The following TSNAX variants were observed in gnomAD, a reference collection of about 807,000 sequenced individuals.
The protein encoded by TSNAX is translin associated factor X, also known as translin-associated protein X.
Under a neutral mutation model 33.0 loss-of-function variants are expected in TSNAX, and 12 were observed. That is an observed-to-expected ratio of 0.36 (90% confidence interval 0.23 to 0.59). The LOEUF is 0.59. TSNAX is among the 20% of genes least tolerant of loss of function. TSNAX has a pLI of 0.74. For synonymous variants in TSNAX, 110 were observed against 117.2 expected (o/e 0.94, Z 0.40); for missense variants, 267 against 341.3 (o/e 0.78, Z 1.72).
intron 3 of TSNAX, among the ~76,000 whole-genome samples, chr1:231,542,219 A>C (rs1328073209): frequency 6.6e-6 from 1 of 152,212 alleles, no homozygotes; most frequent in Non-Finnish European, 1.5e-5. Flanking sequence ...CCCTTACTGA[A>C]AGCAGACATT....
intron 5 of TSNAX, chr1:231,563,525 G>A (rs1020992010): frequency 6.5e-6 from 1 of 154,970 alleles, no homozygotes; most frequent in African/African-American, 2.4e-5. Flanking sequence ...ACCTTATGAA[G>A]CAAGGTCCTG....
intron 5 of TSNAX, chr1:231,563,713 G>A (rs1342315388): frequency 6.7e-6 from 1 of 149,538 alleles, no homozygotes; most frequent in East Asian, 2.0e-4. Context: ...TGCTAGGTAA[G>A]CTGGCAAATG....
intron 4 of TSNAX, among the ~76,000 whole-genome samples, chr1:231,548,549 G>A (rs1660097803): frequency 6.6e-6 from 1 of 152,206 alleles, no homozygotes; most frequent in Admixed American, 6.5e-5. Context: ...GGAATAGAGA[G>A]GAATGGGCAT....
chr1:231,529,218 A>T, intron 1 of TSNAX, 37 bp from the exon 2 acceptor site: 1 of 1,601,962 alleles, frequency 6.2e-7, no homozygotes, highest in Non-Finnish European at 8.5e-7. Context: ...ACTCTTGGTG[A>T]TGGAAGATCC....
At chr1:231,551,652 C>G (rs200051190) in intron 4 of TSNAX, among the ~76,000 whole-genome samples, 2 of 151,814 alleles carry the variant, frequency 1.3e-5, no homozygotes, top group Non-Finnish European at 2.9e-5. Context: ...GCTCAATACT[C>G]GTTCTTCAGT....
intron 3 of TSNAX, among the ~76,000 whole-genome samples, chr1:231,538,697 A>G (rs1396308198): frequency 6.6e-6 from 1 of 152,176 alleles, no homozygotes; most frequent in African/African-American, 2.4e-5. Context: ...GCTTTTCGTT[A>G]TTGAAGATAT....
chr1:231,539,653 C>T (rs1004746642), intron 3 of TSNAX, among the ~76,000 whole-genome samples: 6 of 152,094 alleles, frequency 3.9e-5, no homozygotes, highest in African/African-American at 9.7e-5. Context: ...AGAAAAATTA[C>T]GAATGGCAGA....
chr1:231,553,189 T>G (rs1219350634), intron 4 of TSNAX, among the ~76,000 whole-genome samples: 1 of 152,230 alleles, frequency 6.6e-6, no homozygotes, highest in African/African-American at 2.4e-5. Flanking sequence ...TTGAGTCATG[T>G]GAGGTTCAAA....
chr1:231,551,983 T>A (rs1660332181), intron 4 of TSNAX, among the ~76,000 whole-genome samples: 2 of 151,644 alleles, frequency 1.3e-5, no homozygotes, highest in Admixed American at 1.3e-4. Flanking sequence ...CAGAGCAAGA[T>A]CATGTCTCTT....
intron 5 of TSNAX, 69 bp downstream of exon 5, chr1:231,561,324 T>G: frequency 8.1e-7 from 1 of 1,231,750 alleles, no homozygotes. Flanking sequence ...TCTAGTAGAT[T>G]TACTGGCTTA....
intron 4 of TSNAX, chr1:231,542,932 A>C (rs916358055): frequency 1.8e-5 from 3 of 163,174 alleles, no homozygotes; most frequent in African/African-American, 7.2e-5. Flanking sequence ...TAATCCCAGC[A>C]CTTTGGAAGG....
At chr1:231,540,342 T>A (rs748252085) in intron 3 of TSNAX, among the ~76,000 whole-genome samples, 15 of 152,178 alleles carry the variant, frequency 9.9e-5, no homozygotes, top group Non-Finnish European at 1.3e-4. Flanking sequence ...TTCAAGGAAT[T>A]TGCCATTTCC....
intron 4 of TSNAX, among the ~76,000 whole-genome samples, chr1:231,556,884 G>A (rs1340694085): frequency 6.6e-6 from 1 of 151,866 alleles, no homozygotes; most frequent in African/African-American, 2.4e-5. Context: ...AAGTGGGGGT[G>A]AAATTAAGCA....
chr1:231,549,121 G>C (rs1046336126), intron 4 of TSNAX, among the ~76,000 whole-genome samples: 1 of 152,132 alleles, frequency 6.6e-6, no homozygotes, highest in Non-Finnish European at 1.5e-5. Context: ...AAGGGGATGT[G>C]GTGGGGAAAT....
Position 231,564,481 on chromosome 1 carries a change from TTGTGTG to T in TSNAX, c.496-33_496-28del, listed in dbSNP as rs375928396. 2.2e-5 allele frequency: 34 copies of T among 1,522,742 alleles called. No homozygotes were observed. In the African/African-American group the frequency reaches 2.5e-4, roughly 11 times the overall value. The allele number at this position is 1,522,742 out of a possible 1,614,324, so 94.3% of individuals were successfully genotyped here. ...TCACTCTTTTTCACAGTGTTCTTTC[TTGTGTG>T]TGTGTGTGTGTGTTTTTGTTTTGTT... On this transcript the variant is annotated intron_variant, in intron 5 of 5. Coordinates refer to ENST00000366639, the MANE Select transcript of TSNAX (RefSeq NM_005999.3).
chr1:231,535,308 TTTC>T (rs1189337176), intron 2 of TSNAX: 3 of 152,226 alleles, frequency 2.0e-5, no homozygotes, highest in Admixed American at 1.3e-4. Context: ...GTAAACAGTC[TTTC>T]TTCAGTTAAA....
Position 231,566,513 on chromosome 1 carries a change from A to T in TSNAX, c.*1608A>T, listed in dbSNP as rs1661447409. On this transcript the variant is annotated 3_prime_UTR_variant, in exon 6 of 6. Coordinates refer to ENST00000366639, the MANE Select transcript of TSNAX (RefSeq NM_005999.3). ...CACCTAAAGAAAATAAAACATGGACATGCCTAGTAAATTCTGTTTTTTTGT... is the reference window on the plus strand; with the variant it reads ...CACCTAAAGAAAATAAAACATGGACTTGCCTAGTAAATTCTGTTTTTTTGT... 6.6e-6 allele frequency: 1 copy of T among 152,176 alleles called. No homozygotes were observed. Among genetic ancestry groups the T allele is most frequent in the Non-Finnish European group, 1.5e-5 (1 of 68,014 alleles). 9.4% of individuals were successfully genotyped at this position (152,176 alleles called of 1,614,324 possible).
At position 231,564,899 on chromosome 1, in the gene TSNAX, T is replaced by C. The variant is rs748968956; in HGVS notation, c.867T>C (p.Ile289=). ...AAATGATAGATCAAGAAGAGGGCAT[T>C]TCTTAGAATCTAACGTTACTCAGTT... The part of the protein sequence containing the change: ...KTEMIDQEEG[I]S Residue 289 remains isoleucine, a synonymous_variant, in exon 6 of 6, where the codon ATT becomes ATC. Transcript: ENST00000366639. 1.2e-6 allele frequency: 2 copies of C among 1,612,900 alleles called. No individual in the cohort carries two copies. The highest frequency in any genetic ancestry group is 1.7e-6 in the Non-Finnish European group (2 of 1,179,074).
chr1:231,550,834 C>G (rs1030625095), intron 4 of TSNAX, among the ~76,000 whole-genome samples: 37 of 152,066 alleles, frequency 2.4e-4, no homozygotes, highest in African/African-American at 8.7e-4. Flanking sequence ...AACCCAGTTG[C>G]CTGATAACTG....
Sources: gnomAD v4.1 joint callset for allele counts (sites outside exome capture counted in the v4.1 genomes callset) on GRCh38, gnomAD v4.1.1 for gene constraint, MANE v1.5 for transcripts, NCBI Gene and HGNC (gene_info 2026-07-23, HGNC 2026-07-21) for gene names.